GBE1: variants seen among roughly 807,000 people sequenced by gnomAD.
GBE1 encodes the protein 1,4-alpha-glucan branching enzyme 1.
In GBE1, 70 loss-of-function variants were observed where a neutral mutation model predicts 88.8. That is an observed-to-expected ratio of 0.79 (90% CI 0.65 to 0.96). The LOEUF is 0.96. Ranked by LOEUF, GBE1 falls within the 40% of genes least tolerant of loss-of-function variation. GBE1 has a pLI of 0.00. For synonymous variants in GBE1, 284 were observed against 300.1 expected (o/e 0.95, Z 0.56); for missense variants, 872 against 871.0 (o/e 1.00, Z -0.01).
chr3:81,612,220 TAAAAAAAAAA>T lies in GBE1; in HGVS notation c.993-18207_993-18198del, dbSNP rs11404629. 223 of 241,738 alleles carry T rather than the reference TAAAAAAAAAA, an allele frequency of 9.2e-4. 2 individuals are homozygous for T. The highest frequency in any genetic ancestry group is 6.6e-3 in the African/African-American group (206 of 31,250). 15.0% of individuals were successfully genotyped at this position (241,738 alleles called of 1,614,324 possible). A position where few individuals can be genotyped will look rare whatever the true frequency, so the allele number is the denominator to read the frequency against. ...TTACAGTGTTAAATCCACGCTCCTT[TAAAAAAAAAA>T]AAAAAAAAAAAAACTTAAAGAAGCT... On this transcript the variant is annotated intron_variant, in intron 7 of 15. Transcript: ENST00000429644.
rs558850189 is a variant in GBE1 at position 81,578,413 on chromosome 3, A to G, written c.1447-317T>C. Among the ~76,000 whole-genome samples, 8 of 152,004 alleles carry G rather than the reference A, an allele frequency of 5.3e-5. No homozygotes were observed. The South Asian group carries it at 1.7e-3, about 32-fold the overall frequency. ...ACACCTCACATTTTCTGAAACATTT[A>G]TTATAATGTTGAGAATATTAAATAG... On this transcript the variant is annotated intron_variant, in intron 11 of 15. Transcript: ENST00000429644.
At chr3:81,520,570 A>T (rs546442937) in intron 14 of GBE1, among the ~76,000 whole-genome samples, 43 of 151,584 alleles carry the variant, frequency 2.8e-4, no homozygotes, top group Non-Finnish European at 4.1e-4. Flanking sequence ...GCCACTAAAG[A>T]AATATAATAA....
At chr3:81,664,537 T>G (rs1705083731) in intron 3 of GBE1, among the ~76,000 whole-genome samples, 1 of 151,912 alleles carries the variant, frequency 6.6e-6, no homozygotes, top group South Asian at 2.1e-4. Flanking sequence ...CCCAACATTT[T>G]GAAAAGAAAA....
chr3:81,502,083 T>A (rs982328951), intron 14 of GBE1, among the ~76,000 whole-genome samples: 1 of 152,016 alleles, frequency 6.6e-6, no homozygotes, highest in Non-Finnish European at 1.5e-5. Flanking sequence ...TTAATCGTTA[T>A]TTTCAATGTT....
At chr3:81,560,687 C>T (rs1703404507) in intron 12 of GBE1, among the ~76,000 whole-genome samples, 1 of 151,880 alleles carries the variant, frequency 6.6e-6, no homozygotes, top group Non-Finnish European at 1.5e-5. Flanking sequence ...AGCTCAGGCA[C>T]CTATCACATT....
intron 1 of GBE1, among the ~76,000 whole-genome samples, chr3:81,719,153 G>T (rs536918655): frequency 1.1e-4 from 17 of 152,270 alleles, no homozygotes; most frequent in African/African-American, 4.1e-4. Context: ...TACAGTAAGT[G>T]AACAAATTCA....
intron 2 of GBE1, among the ~76,000 whole-genome samples, chr3:81,705,234 A>C (rs958406302): frequency 4.3e-4 from 66 of 152,242 alleles, no homozygotes; most frequent in African/African-American, 1.5e-3. Flanking sequence ...TACAGAACAT[A>C]AAGTCTTTCA....
intron 12 of GBE1, among the ~76,000 whole-genome samples, chr3:81,542,242 T>C (rs892061176): frequency 3.3e-5 from 5 of 152,118 alleles, no homozygotes; most frequent in African/African-American, 1.2e-4. Flanking sequence ...TTGTGGACCA[T>C]GTAATGAAAT....
chr3:81,549,515 C>A (rs1393893260), intron 12 of GBE1, among the ~76,000 whole-genome samples: 1 of 151,008 alleles, frequency 6.6e-6, no homozygotes, highest in East Asian at 1.9e-4. Context: ...GGCCTCATAC[C>A]TTGTCTACAC....
intron 7 of GBE1, among the ~76,000 whole-genome samples, chr3:81,602,606 C>T (rs1704048595): frequency 6.6e-6 from 1 of 151,758 alleles, no homozygotes; most frequent in Non-Finnish European, 1.5e-5. Flanking sequence ...GAGCGCTAAT[C>T]CCATTCAGAG....
chr3:81,659,101 G>A (rs559066471), intron 3 of GBE1, among the ~76,000 whole-genome samples: 1 of 151,904 alleles, frequency 6.6e-6, no homozygotes, highest in African/African-American at 2.4e-5. Flanking sequence ...ACTCATCCAT[G>A]TGCAGTGAAG....
chr3:81,571,825 CT>C lies in GBE1; in HGVS notation c.1618+6099del, dbSNP rs1006392971. ...CAAACCAGGGTGGAAAACAAAACAA[CT>C]TTTTTTAAAACAAAACTGGCAGTAA... On this transcript the variant is annotated intron_variant, in intron 12 of 15. Transcript: ENST00000429644. 2.0e-5 allele frequency among the ~76,000 whole-genome samples: 3 copies of C among 152,078 alleles called. No individual in the cohort carries two copies. The South Asian group carries it at 6.2e-4, about 32-fold the overall frequency.
chr3:81,615,009 G>A (rs1704230333), intron 7 of GBE1, among the ~76,000 whole-genome samples: 2 of 150,560 alleles, frequency 1.3e-5, no homozygotes, highest in African/African-American at 4.9e-5. Flanking sequence ...GTTACAGAAT[G>A]AGACTTTTTT....
chr3:81,719,066 T>A (rs1267527895), intron 1 of GBE1, among the ~76,000 whole-genome samples: 1 of 152,180 alleles, frequency 6.6e-6, no homozygotes, highest in Non-Finnish European at 1.5e-5. Flanking sequence ...AAAATTCTGC[T>A]CTAGGTAAGT....
intron 1 of GBE1, among the ~76,000 whole-genome samples, chr3:81,749,005 CAAAAAA>C (rs34051030): frequency 0.08 from 8,652 of 108,114 alleles, 565 homozygotes; most frequent in East Asian, 0.38. Flanking sequence ...GACTCTGTCT[CAAAAAA>C]AAAAAAAAAA....
chr3:81,734,383 T>C (rs1706227972), intron 1 of GBE1, among the ~76,000 whole-genome samples: 1 of 151,934 alleles, frequency 6.6e-6, no homozygotes. Context: ...TTCTTTGTTT[T>C]CCTTATTTAA....
intron 1 of GBE1, among the ~76,000 whole-genome samples, chr3:81,722,138 C>T (rs1195479497): frequency 3.3e-5 from 5 of 152,062 alleles, no homozygotes; most frequent in Admixed American, 2.6e-4. Context: ...AAAACTTAGC[C>T]GTTAGAATTA....
intron 7 of GBE1, among the ~76,000 whole-genome samples, chr3:81,598,098 G>A (rs1703983949): frequency 6.6e-6 from 1 of 151,794 alleles, no homozygotes; most frequent in Admixed American, 6.6e-5. Flanking sequence ...TTTGCCTAAT[G>A]TTCTATTTAT....
At chr3:81,739,630 C>T (rs566756125) in intron 1 of GBE1, among the ~76,000 whole-genome samples, 193 of 152,198 alleles carry the variant, frequency 1.3e-3, no homozygotes, top group African/African-American at 4.4e-3. Context: ...AAATATCTTA[C>T]CCTGTTCATC....
Sources: allele counts gnomAD v4.1 joint callset (sites outside exome capture counted in the v4.1 genomes callset), GRCh38; gene constraint gnomAD v4.1.1; transcripts MANE v1.5; gene names NCBI Gene and HGNC (gene_info 2026-07-23, HGNC 2026-07-21).